Variants in BACE1 observed in about 807,000 individuals in gnomAD.
The protein encoded by BACE1 is APP beta-secretase.
In BACE1, 21 loss-of-function variants were observed where a neutral mutation model predicts 54.0. The observed-to-expected ratio is 0.39, with a 90% CI of 0.28 to 0.56. The LOEUF (loss-of-function observed/expected upper bound fraction) is 0.56. Ranked by LOEUF, BACE1 falls within the 20% of genes least tolerant of loss-of-function variation. The pLI is 0.63. For missense variants in BACE1, 511 were observed against 661.2 expected (o/e 0.77, Z 2.49); for synonymous variants, 232 against 260.9 (o/e 0.89, Z 1.07).
At chr11:117,296,609 C>T (rs2034606674) in intron 2 of BACE1, among the ~76,000 whole-genome samples, 2 of 152,146 alleles carry the variant, frequency 1.3e-5, no homozygotes, top group African/African-American at 2.4e-5. Context: ...GCTCTTCTTC[C>T]TTTCCCTCCC....
chr11:117,291,101 G>GC, intron 6 of BACE1, 52 bp from the exon 7 acceptor site: 2 of 1,592,560 alleles, frequency 1.3e-6, no homozygotes, highest in Admixed American at 1.7e-5. Flanking sequence ...TTATCATCTC[G>GC]CCCCTCCCAT....
At position 117,293,066 on chromosome 11, in the gene BACE1, C is replaced by A. The variant is rs751773660; in HGVS notation, c.828G>T (p.Met276Ile). 3.3e-5 allele frequency: 54 copies of A among 1,613,866 alleles called. No individual in the cohort carries two copies. The highest frequency in any genetic ancestry group is 3.3e-4 in the Middle Eastern group (2 of 6,084). Reference sequence around the variant, plus strand: ...TTGGTTTTCTTACCTCCTTGCAGTCCATTTTCAGATCCTGTCCATTGATCT... The same window carrying A: ...TTGGTTTTCTTACCTCCTTGCAGTCAATTTTCAGATCCTGTCCATTGATCT... The part of the protein sequence containing the change: ...RVEINGQDLK[M>I]DCKEYNYDKS... The change falls in exon 5 of 9, where the codon ATG becomes ATT. Residue 276 changes from methionine (M) to isoleucine (I), a missense_variant. Physicochemically the swap from Met to Ile is conservative, Grantham distance 10. Transcript: ENST00000313005. This position sits in a 1 kb window ranked among gnomAD's most constrained non-coding sequence, Gnocchi z 4.1.
chr11:117,310,865 A>C (rs1033165570), intron 1 of BACE1, among the ~76,000 whole-genome samples: 7 of 152,250 alleles, frequency 4.6e-5, no homozygotes, highest in Non-Finnish European at 1.0e-4. Context: ...CAAATGGCAC[A>C]GTAGGAAGAA....
chr11:117,293,646 T>C lies in BACE1; in HGVS notation c.705+225A>G. The stretch of plus-strand genomic sequence containing the variant: ...ATTTTCATTTCCTTTGAAATTTTCC[T>C]AATTGCCTTCCTTTCCAAGTTTACC... On this transcript the variant is annotated intron_variant, in intron 4 of 8. Coordinates refer to ENST00000313005, the MANE Select transcript of BACE1 (RefSeq NM_012104.6). The surrounding 1 kb of genome is among the most constrained non-coding windows in gnomAD (Gnocchi z 4.1). The C allele has an allele frequency of 2.5e-6, 1 of 405,654 alleles. No homozygotes were observed. The highest frequency in any genetic ancestry group is 4.1e-5 in the East Asian group (1 of 24,112). The allele number at this position is 405,654 out of a possible 1,614,324, so 25.1% of individuals were successfully genotyped here. A position where few individuals can be genotyped will look rare whatever the true frequency, so the allele number is the denominator to read the frequency against.
At chr11:117,314,448 A>G (rs2035026718) in intron 1 of BACE1, 1 of 152,246 alleles carries the variant, frequency 6.6e-6, no homozygotes, top group South Asian at 2.1e-4. Context: ...GAAGTTCAGG[A>G]AAGTGTGGCT....
At chr11:117,307,338 T>C (rs749079068) in intron 1 of BACE1, among the ~76,000 whole-genome samples, 3 of 151,768 alleles carry the variant, frequency 2.0e-5, no homozygotes, top group Non-Finnish European at 4.4e-5. Context: ...TGAGATGGAG[T>C]CTTCCCCCTG....
At position 117,289,823 on chromosome 11, in the gene BACE1, A is replaced by G. The variant is rs764407641; in HGVS notation, c.1265-16T>C. 6 of 1,607,178 alleles carry G rather than the reference A, an allele frequency of 3.7e-6. No homozygotes were observed. The highest frequency in any genetic ancestry group is 4.3e-6 in the Non-Finnish European group (5 of 1,174,024). Reference sequence around the variant, plus strand: ...TCATCGTGCACTGGGGAGAGGGCAAATGTGAATGGACAGCTCTCATTGTCA... The same window carrying G: ...TCATCGTGCACTGGGGAGAGGGCAAGTGTGAATGGACAGCTCTCATTGTCA... On this transcript the variant is annotated splice_polypyrimidine_tract_variant and intron_variant, in intron 8 of 8. Transcript: ENST00000313005.
chr11:117,291,958 T>C, intron 5 of BACE1, 145 bp from the exon 6 acceptor site: 1 of 543,258 alleles, frequency 1.8e-6, no homozygotes, highest in Non-Finnish European at 3.4e-6. Flanking sequence ...CAAGTTAACC[T>C]CTGTGCCTCA....
chr11:117,301,571 T>G (rs1190624823), intron 1 of BACE1, among the ~76,000 whole-genome samples: 1 of 151,472 alleles, frequency 6.6e-6, no homozygotes, highest in Admixed American at 6.6e-5. Flanking sequence ...ATTGTGCCAC[T>G]GCACTCCAGC....
At chr11:117,291,135 T>G in intron 6 of BACE1, 86 bp from the exon 7 acceptor site, 1 of 1,482,564 alleles carries the variant, frequency 6.7e-7, no homozygotes, top group Non-Finnish European at 9.1e-7. Flanking sequence ...AACTGGGCCC[T>G]TCATTTGCTT....
intron 1 of BACE1, among the ~76,000 whole-genome samples, chr11:117,310,712 C>T (rs1392778319): frequency 6.6e-6 from 1 of 152,164 alleles, no homozygotes; most frequent in East Asian, 1.9e-4. Flanking sequence ...TGAGCCACTG[C>T]GCCTGGCCAG....
intron 1 of BACE1, chr11:117,314,421 C>T (rs556028093): frequency 2.2e-4 from 34 of 152,346 alleles, no homozygotes; most frequent in African/African-American, 8.2e-4. Flanking sequence ...GTGTTTCTCC[C>T]AGATCCAGCT....
Position 117,288,609 on chromosome 11 carries a change from C to A in BACE1, c.*957G>T, listed in dbSNP as rs2134437924. ...CCCTGCTATAGTCCAGTTGCTCTCC[C>A]ACAGGGCACCTGGAGCTTAGGGGGT... On this transcript the variant is annotated 3_prime_UTR_variant, in exon 9 of 9. Transcript: ENST00000313005. The A allele has an allele frequency of 6.5e-6, 1 of 152,738 alleles. No individual in the cohort carries two copies. The highest frequency in any genetic ancestry group is 1.9e-4 in the East Asian group (1 of 5,190). The allele number at this position is 152,738 out of a possible 1,614,324, so 9.5% of individuals were successfully genotyped here.
intron 1 of BACE1, among the ~76,000 whole-genome samples, chr11:117,305,846 T>C (rs2034821640): frequency 6.6e-6 from 1 of 151,908 alleles, no homozygotes; most frequent in Non-Finnish European, 1.5e-5. Flanking sequence ...CCATCCTGGC[T>C]AACACGGTGA....
rs2034320892 is a variant in BACE1, at chr11:117,288,413, A to G, written c.*1153T>C. The G allele has an allele frequency of 6.6e-6, 1 of 152,666 alleles. No homozygotes were observed. The allele number at this position is 152,666 out of a possible 1,614,324, so 9.5% of individuals were successfully genotyped here. ...ACTTCTTATAGCCTAATAGGAAGAA[A>G]TCCAGGCAGGGGTTATAGGGCATCA... On this transcript the variant is annotated 3_prime_UTR_variant, in exon 9 of 9. Transcript: ENST00000313005.
At chr11:117,309,042 T>C (rs967879359) in intron 1 of BACE1, among the ~76,000 whole-genome samples, 1 of 152,148 alleles carries the variant, frequency 6.6e-6, no homozygotes, top group Non-Finnish European at 1.5e-5. Flanking sequence ...AGAGGTTAAA[T>C]AAAGCCATCA....
intron 2 of BACE1, among the ~76,000 whole-genome samples, chr11:117,296,258 C>G (rs994858352): frequency 6.6e-6 from 1 of 151,880 alleles, no homozygotes; most frequent in Non-Finnish European, 1.5e-5. Flanking sequence ...ACCAGTCCCC[C>G]ACTTTCACCA....
chr11:117,305,281 A>G (rs759183214), intron 1 of BACE1, among the ~76,000 whole-genome samples: 2 of 152,178 alleles, frequency 1.3e-5, no homozygotes, highest in African/African-American at 2.4e-5. Context: ...AAAGGGGGCA[A>G]GGAAGGACAA....
chr11:117,310,873 G>A (rs2034929595), intron 1 of BACE1, among the ~76,000 whole-genome samples: 2 of 152,144 alleles, frequency 1.3e-5, no homozygotes, highest in Admixed American at 1.3e-4. Flanking sequence ...ACAGTAGGAA[G>A]AACAAGGATG....
Sources: allele counts gnomAD v4.1 joint callset (sites outside exome capture counted in the v4.1 genomes callset), GRCh38; gene constraint gnomAD v4.1.1; non-coding constraint Gnocchi (gnomAD v3.1); transcripts MANE v1.5; gene names NCBI Gene and HGNC (gene_info 2026-07-23, HGNC 2026-07-21).